Variants in HECTD4 observed in about 807,000 individuals in gnomAD.
HECTD4 encodes the protein HECT domain E3 ubiquitin protein ligase 4.
HECTD4 carries 114 observed loss-of-function variants against 471.5 expected under a neutral mutation model. The observed-to-expected ratio is 0.24, with a 90% CI of 0.21 to 0.28. The LOEUF is 0.28. Among genes scored for constraint, HECTD4 ranks in the 10% least tolerant of loss-of-function variants. HECTD4 has a pLI of 1.00. For missense variants in HECTD4, 3,866 were observed against 5,651.5 expected, an observed-to-expected ratio of 0.68 and a Z score of 10.13; for synonymous variants, 2,012 against 2,256.0, an observed-to-expected ratio of 0.89 and a Z score of 3.07.
chr12:112,266,828 G>A (rs2034285291), intron 14 of HECTD4, 84 bp downstream of exon 14: 7 of 747,762 alleles, frequency 9.4e-6, no homozygotes, highest in South Asian at 1.6e-5. Context: ...ATGAAGAAGT[G>A]TAAATATTAT....
chr12:112,276,631 G>T (rs1389937569), intron 9 of HECTD4, among the ~76,000 whole-genome samples: 1 of 152,124 alleles, frequency 6.6e-6, no homozygotes, highest in Non-Finnish European at 1.5e-5. Context: ...TATTTTAGTA[G>T]AGATGGGGTT....
At chr12:112,357,337 A>G (rs1226725737) in intron 1 of HECTD4, among the ~76,000 whole-genome samples, 1 of 152,256 alleles carries the variant, frequency 6.6e-6, no homozygotes, top group Non-Finnish European at 1.5e-5. Context: ...AGACACGGAC[A>G]GTGAGGAGAT....
At chr12:112,338,787 G>A (rs1341370394) in intron 1 of HECTD4, among the ~76,000 whole-genome samples, 2 of 152,074 alleles carry the variant, frequency 1.3e-5, no homozygotes, top group African/African-American at 2.4e-5. Flanking sequence ...TGTGGAGGAA[G>A]GTGAAGCAGG....
In HECTD4 at chr12:112,216,344, G is replaced by C; in HGVS notation, c.7413C>G (p.Gly2471=). The C allele has an allele frequency of 6.4e-7, 1 of 1,555,704 alleles. No individual in the cohort carries two copies. Among genetic ancestry groups the C allele is most frequent in the East Asian group, 2.4e-5 (1 of 41,352 alleles). ...HNNGRAVHYN[G]SSLLQWKSVR... ...CGCTCTTCCACTGTAACAAACTGGA[G>C]CCATTATAGTGCACGGCTCGGCCGT... Residue 2471 remains glycine (G), a synonymous_variant, in exon 48 of 76, where the codon GGC becomes GGG. Coordinates refer to ENST00000682272, the MANE Select transcript of HECTD4 (RefSeq NM_001388303.1).
chr12:112,170,546 TC>T, intron 68 of HECTD4, 94 bp from the exon 69 acceptor site: 1 of 1,493,694 alleles, frequency 6.7e-7, no homozygotes, highest in African/African-American at 1.4e-5. Context: ...GGTGTGGCAC[TC>T]TCAGGCCCCC....
At chr12:112,354,104 G>T (rs553247526) in intron 1 of HECTD4, among the ~76,000 whole-genome samples, 3 of 151,890 alleles carry the variant, frequency 2.0e-5, no homozygotes, top group African/African-American at 7.3e-5. Flanking sequence ...ATAGGGTCTC[G>T]CTCTGTTGTC....
intron 1 of HECTD4, among the ~76,000 whole-genome samples, chr12:112,373,118 T>C (rs1350878269): frequency 2.0e-5 from 3 of 152,174 alleles, no homozygotes; most frequent in Non-Finnish European, 4.4e-5. Flanking sequence ...TATAACATAA[T>C]AGTTCAAGAA....
At chr12:112,170,276 G>T in intron 69 of HECTD4, 57 bp downstream of exon 69, 2 of 1,591,240 alleles carry the variant, frequency 1.3e-6, no homozygotes, top group Non-Finnish European at 8.6e-7. Context: ...CCAGAAATCC[G>T]CTAGTGTGTT....
chr12:112,164,930 CTTT>C (rs763630508), intron 72 of HECTD4, among the ~76,000 whole-genome samples: 3 of 127,324 alleles, frequency 2.4e-5, no homozygotes, highest in Admixed American at 1.6e-4. Flanking sequence ...ACCGCTTTTT[CTTT>C]TTTTTTTTTT....
Position 112,382,275 on chromosome 12 carries a change from T to C in HECTD4, c.-147A>G. 1.5e-6 allele frequency: 1 copy of C among 654,398 alleles called. No individual in the cohort carries two copies. Among genetic ancestry groups the C allele is most frequent in the Non-Finnish European group, 2.1e-6 (1 of 475,074 alleles). 40.5% of individuals were successfully genotyped at this position (654,398 alleles called of 1,614,324 possible). ...CTGCCTCGCCCGTGCAACTCCGCCC[T>C]AGGCGGTCCGAGTCGCCATACCCCC... On this transcript the variant is annotated 5_prime_UTR_variant, in exon 1 of 76. The change abolishes the stop of an existing upstream ORF in the 5' untranslated region. Transcript: ENST00000682272.
chr12:112,334,333 G>GA (rs939156103), intron 1 of HECTD4, among the ~76,000 whole-genome samples: 33 of 144,000 alleles, frequency 2.3e-4, no homozygotes, highest in South Asian at 1.5e-3. Context: ...AAATTAGCAA[G>GA]AAAAAAAAAA....
intron 45 of HECTD4, among the ~76,000 whole-genome samples, chr12:112,218,846 T>C (rs1218644813): frequency 1.3e-5 from 2 of 152,152 alleles, no homozygotes; most frequent in Non-Finnish European, 2.9e-5. Context: ...GCGATTCTCC[T>C]GCCTCAGCCT....
Position 112,184,218 on chromosome 12 carries a change from G to A in HECTD4, c.10748C>T (p.Ala3583Val). 1 of 1,612,788 alleles carries A rather than the reference G, an allele frequency of 6.2e-7. No individual in the cohort carries two copies. The highest frequency in any genetic ancestry group is 8.5e-7 in the Non-Finnish European group (1 of 1,179,474). The stretch of plus-strand genomic sequence containing the variant: ...GACTGCGAAGCCTTTGATGGGGCGG[G>A]CGGCGAGGGGCTGGTTGTCCAGGGA... Reference protein sequence around the residue: ...VTSLDNQPLAARPIKGFAVVE... With the variant: ...VTSLDNQPLAVRPIKGFAVVE... The change falls in exon 61 of 76, where the codon GCC (alanine) becomes GTC (valine). Residue 3583 changes from alanine to valine, a missense_variant. Around this residue, in one of 16 missense-constraint regions of HECTD4, gnomAD observed 192 missense variants for 189.9 expected, o/e 1.01. Transcript: ENST00000682272. This position sits in a 1 kb window ranked among gnomAD's most constrained non-coding sequence, Gnocchi z 9.1.
chr12:112,372,250 A>G (rs1371457320), intron 1 of HECTD4, among the ~76,000 whole-genome samples: 1 of 150,626 alleles, frequency 6.6e-6, no homozygotes, highest in African/African-American at 2.4e-5. Context: ...GTAGCCAACC[A>G]CGCCCCGCTA....
intron 1 of HECTD4, among the ~76,000 whole-genome samples, chr12:112,365,984 C>T (rs996113300): frequency 2.0e-5 from 3 of 151,940 alleles, no homozygotes; most frequent in South Asian, 2.1e-4. Flanking sequence ...CCATGTTGCC[C>T]GGGCTGGTCT....
intron 9 of HECTD4, among the ~76,000 whole-genome samples, chr12:112,275,619 C>CATATAT (rs149305522): frequency 1.0e-4 from 15 of 147,472 alleles, no homozygotes; most frequent in South Asian, 2.2e-4. Flanking sequence ...TCCACACCAG[C>CATATAT]ATATATATAT....
At chr12:112,216,706 G>A (rs2135549860) in intron 47 of HECTD4, 67 bp downstream of exon 47, 2 of 1,532,736 alleles carry the variant, frequency 1.3e-6, no homozygotes, top group Non-Finnish European at 1.8e-6. Flanking sequence ...TTGACTTCCT[G>A]AACACCTATA....
chr12:112,276,448 T>C (rs1404424652), intron 9 of HECTD4, among the ~76,000 whole-genome samples: 1 of 152,170 alleles, frequency 6.6e-6, no homozygotes, highest in Non-Finnish European at 1.5e-5. Context: ...TTTTTATTTT[T>C]GTTTTATTTA....
intron 29 of HECTD4, among the ~76,000 whole-genome samples, chr12:112,246,593 C>T (rs1324269292): frequency 6.6e-6 from 1 of 152,026 alleles, no homozygotes; most frequent in Non-Finnish European, 1.5e-5. Context: ...CAAGATTGCG[C>T]CACTGCACTC....
Sources: gnomAD v4.1 joint callset for allele counts (sites outside exome capture counted in the v4.1 genomes callset) on GRCh38, gnomAD v4.1.1 for gene constraint, gnomAD v4.1.1 regional missense constraint, Gnocchi (gnomAD v3.1) non-coding constraint, MANE v1.5 for transcripts, NCBI Gene and HGNC (gene_info 2026-07-23, HGNC 2026-07-21) for gene names.